The following CSMD1 variants were observed in gnomAD, a reference collection of about 807,000 sequenced individuals.
The protein encoded by CSMD1 is CUB and sushi domain-containing protein 1.
In CSMD1, 213 loss-of-function variants were observed where a neutral mutation model predicts 417.5. The ratio of observed to expected loss-of-function variants is 0.51; its 90% CI spans 0.46 to 0.57. The LOEUF is 0.57. Among genes scored for constraint, CSMD1 ranks in the 20% least tolerant of loss-of-function variants. The probability of loss-of-function intolerance (pLI) is 0.00; values close to 1 mark genes in which losing one functional copy is unlikely to be tolerated. For missense variants in CSMD1, 6,923 were observed against 4,529.7 expected (o/e 1.53, Z -15.17); for synonymous variants, 2,862 against 1,736.8 (o/e 1.65, Z -16.11).
At chr8:3,982,617 GA>G (rs11325039) in intron 5 of CSMD1, among the ~76,000 whole-genome samples, 78,124 of 148,346 alleles carry the variant, frequency 0.53, 20,288 homozygotes, top group Admixed American at 0.57. Flanking sequence ...TGCTGAGAGA[GA>G]AAAAAAAAAA....
chr8:4,537,148 G>T (rs1797140883), intron 2 of CSMD1, among the ~76,000 whole-genome samples: 1 of 151,930 alleles, frequency 6.6e-6, no homozygotes, highest in African/African-American at 2.4e-5. Flanking sequence ...TTACAATTTG[G>T]GTCCTCTTGT....
chr8:3,551,560 T>A (rs771116073), intron 10 of CSMD1, among the ~76,000 whole-genome samples: 1 of 148,830 alleles, frequency 6.7e-6, no homozygotes, highest in Admixed American at 6.7e-5. Flanking sequence ...CTTTTCAGAA[T>A]TGTCTTCTAA....
chr8:3,859,796 G>C (rs1804570146), intron 5 of CSMD1, among the ~76,000 whole-genome samples: 1 of 152,154 alleles, frequency 6.6e-6, no homozygotes, highest in Non-Finnish European at 1.5e-5. Context: ...AGAGGTCAAT[G>C]CATCCTGATT....
At chr8:3,818,527 A>G (rs1801525982) in intron 5 of CSMD1, among the ~76,000 whole-genome samples, 1 of 152,144 alleles carries the variant, frequency 6.6e-6, no homozygotes, top group Non-Finnish European at 1.5e-5. Flanking sequence ...AGACCAGGGT[A>G]GGCTTACCCC....
At chr8:3,374,494 T>C (rs779793248) in intron 18 of CSMD1, among the ~76,000 whole-genome samples, 25 of 152,190 alleles carry the variant, frequency 1.6e-4, no homozygotes, top group Non-Finnish European at 2.4e-4. Flanking sequence ...GAGGTCTGAT[T>C]TATTCTAAGA....
At chr8:3,610,393 G>A (rs78507908) in intron 8 of CSMD1, among the ~76,000 whole-genome samples, 1 of 152,046 alleles carries the variant, frequency 6.6e-6, no homozygotes, top group Non-Finnish European at 1.5e-5. Context: ...CAAATTAATT[G>A]AGTCAGTGGC....
intron 4 of CSMD1, among the ~76,000 whole-genome samples, chr8:4,004,422 T>TC (rs1254478123): frequency 5.8e-5 from 6 of 104,078 alleles, no homozygotes; most frequent in Non-Finnish European, 9.3e-5. Flanking sequence ...CCATGAATCT[T>TC]TTTTTTTTTT....
intron 1 of CSMD1, among the ~76,000 whole-genome samples, chr8:4,893,492 A>G (rs913204583): frequency 1.5e-4 from 23 of 152,102 alleles, no homozygotes; most frequent in Non-Finnish European, 8.8e-5. Context: ...CAATTAATGT[A>G]TTATAAAAAT....
intron 3 of CSMD1, among the ~76,000 whole-genome samples, chr8:4,217,504 A>G (rs1354998494): frequency 6.6e-6 from 1 of 152,210 alleles, no homozygotes; most frequent in African/African-American, 2.4e-5. Context: ...CGTCCCTGGC[A>G]TCAAGGGGAG....
At chr8:3,444,690 G>A (rs940463057) in intron 12 of CSMD1, among the ~76,000 whole-genome samples, 2 of 152,148 alleles carry the variant, frequency 1.3e-5, no homozygotes, top group African/African-American at 2.4e-5. Context: ...TGAGGCTGAG[G>A]AGGCTATGAA....
intron 49 of CSMD1, among the ~76,000 whole-genome samples, chr8:3,085,618 T>G (rs1380229978): frequency 2.0e-5 from 3 of 152,234 alleles, no homozygotes; most frequent in Non-Finnish European, 2.9e-5. Flanking sequence ...GTGCACTATT[T>G]GTATTTCTGA....
intron 1 of CSMD1, among the ~76,000 whole-genome samples, chr8:4,773,574 C>A (rs1796701671): frequency 6.6e-6 from 1 of 152,142 alleles, no homozygotes; most frequent in Non-Finnish European, 1.5e-5. Flanking sequence ...CTGAATCCTC[C>A]TTTCTCGTCT....
chr8:3,752,107 A>G (rs1216227881), intron 6 of CSMD1, among the ~76,000 whole-genome samples: 1 of 152,120 alleles, frequency 6.6e-6, no homozygotes, highest in Non-Finnish European at 1.5e-5. Context: ...TCCCACCGCC[A>G]ACACGTCCAT....
chr8:3,817,806 A>T (rs1000138280), intron 5 of CSMD1, among the ~76,000 whole-genome samples: 9 of 152,082 alleles, frequency 5.9e-5, no homozygotes, highest in African/African-American at 2.2e-4. Context: ...ATGTTTAATA[A>T]GCACGTGCAT....
intron 2 of CSMD1, among the ~76,000 whole-genome samples, chr8:4,600,932 C>A (rs1323085623): frequency 6.6e-6 from 1 of 150,542 alleles, no homozygotes; most frequent in Non-Finnish European, 1.5e-5. Context: ...AAAATGCCTT[C>A]CAAAAAATTT....
chr8:4,952,462 C>G, intron 1 of CSMD1, among the ~76,000 whole-genome samples: 1 of 151,944 alleles, frequency 6.6e-6, no homozygotes, highest in Admixed American at 6.6e-5. Context: ...TTACCTATGT[C>G]TAAAAGAAAA....
At chr8:4,108,213 T>A (rs929252952) in intron 3 of CSMD1, among the ~76,000 whole-genome samples, 1 of 152,170 alleles carries the variant, frequency 6.6e-6, no homozygotes, top group South Asian at 2.1e-4. Context: ...CAAGCTTATG[T>A]GAAGTCCTTC....
At chr8:3,920,180 T>C (rs962150997) in intron 5 of CSMD1, among the ~76,000 whole-genome samples, 1 of 152,112 alleles carries the variant, frequency 6.6e-6, no homozygotes, top group Admixed American at 6.6e-5. Flanking sequence ...ACTACAGGTG[T>C]GTGCCAGCAT....
chr8:3,509,231 C>T (rs535161944), intron 10 of CSMD1, among the ~76,000 whole-genome samples: 2 of 152,280 alleles, frequency 1.3e-5, no homozygotes, highest in East Asian at 1.9e-4. Context: ...ATTATCTGGA[C>T]CCCTTTACAA....
Sources: allele counts gnomAD v4.1 joint callset (sites outside exome capture counted in the v4.1 genomes callset), GRCh38; gene constraint gnomAD v4.1.1; transcripts MANE v1.5; gene names NCBI Gene and HGNC (gene_info 2026-07-23, HGNC 2026-07-21).